The following CTNND2 variants were observed in gnomAD, a reference collection of about 807,000 sequenced individuals.
CTNND2 encodes catenin delta 2.
CTNND2 carries 22 observed loss-of-function variants against 144.4 expected under a neutral mutation model. The ratio of observed to expected loss-of-function variants is 0.15; its 90% CI spans 0.11 to 0.22. The LOEUF is 0.22. Among genes scored for constraint, CTNND2 ranks in the 10% least tolerant of loss-of-function variants. The probability of loss-of-function intolerance (pLI) is 1.00; values close to 1 mark genes in which losing one functional copy is unlikely to be tolerated. For missense variants in CTNND2, 1,353 were observed against 1,618.8 expected, an observed-to-expected ratio of 0.84 and a Z score of 2.82; for synonymous variants, 751 against 695.6, an observed-to-expected ratio of 1.08 and a Z score of -1.25.
intron 2 of CTNND2, among the ~76,000 whole-genome samples, chr5:11,610,761 T>A (rs116614203): frequency 0.011 from 1,746 of 152,322 alleles, 27 homozygotes; most frequent in African/African-American, 0.041. Flanking sequence ...AATGACATAT[T>A]AGAGGTTTGT....
intron 10 of CTNND2, among the ~76,000 whole-genome samples, chr5:11,231,508 ACTCT>A (rs1392244525): frequency 6.6e-6 from 1 of 152,002 alleles, no homozygotes; most frequent in Non-Finnish European, 1.5e-5. Context: ...AGCAAAGATG[ACTCT>A]TGCTATGCTT....
chr5:11,813,266 A>C (rs1792439979), intron 1 of CTNND2, among the ~76,000 whole-genome samples: 1 of 152,114 alleles, frequency 6.6e-6, no homozygotes, highest in South Asian at 2.1e-4. Flanking sequence ...GTGTAAGTAC[A>C]CTCCGCAATA....
At chr5:11,895,764 G>A (rs964228289) in intron 1 of CTNND2, among the ~76,000 whole-genome samples, 9 of 151,928 alleles carry the variant, frequency 5.9e-5, no homozygotes, top group African/African-American at 2.2e-4. Context: ...TTTAAAAAAG[G>A]AAAATAGATA....
At chr5:11,667,997 C>T (rs1192710527) in intron 2 of CTNND2, among the ~76,000 whole-genome samples, 1 of 152,210 alleles carries the variant, frequency 6.6e-6, no homozygotes, top group Non-Finnish European at 1.5e-5. Context: ...ACCCAGTTTT[C>T]CCAACACCAT....
At chr5:11,853,767 T>C (rs1247104505) in intron 1 of CTNND2, among the ~76,000 whole-genome samples, 1 of 152,242 alleles carries the variant, frequency 6.6e-6, no homozygotes, top group Non-Finnish European at 1.5e-5. Context: ...TCTCCCATTG[T>C]ACACCTAATC....
chr5:11,449,919 C>G (rs1382135561), intron 3 of CTNND2, among the ~76,000 whole-genome samples: 5 of 152,162 alleles, frequency 3.3e-5, no homozygotes, highest in Admixed American at 6.5e-5. Flanking sequence ...GATAAAATGT[C>G]AGTCCAAGGA....
intron 9 of CTNND2, among the ~76,000 whole-genome samples, chr5:11,242,286 T>C (rs930139913): frequency 1.3e-5 from 2 of 152,178 alleles, no homozygotes; most frequent in African/African-American, 4.8e-5. Context: ...GTGTGGTTTA[T>C]TTTCATCTTA....
intron 2 of CTNND2, among the ~76,000 whole-genome samples, chr5:11,702,914 G>T (rs140567931): frequency 6.6e-6 from 1 of 152,312 alleles, no homozygotes; most frequent in African/African-American, 2.4e-5. Context: ...TTGGAGGACA[G>T]GCTTAGTACC....
At chr5:11,707,355 C>T (rs1026900812) in intron 2 of CTNND2, among the ~76,000 whole-genome samples, 1 of 152,180 alleles carries the variant, frequency 6.6e-6, no homozygotes, top group African/African-American at 2.4e-5. Context: ...TGCACACAGA[C>T]CTAATGATTT....
At chr5:11,867,003 T>C (rs1442308586) in intron 1 of CTNND2, among the ~76,000 whole-genome samples, 43 of 152,244 alleles carry the variant, frequency 2.8e-4, no homozygotes, top group Admixed American at 2.8e-3. Context: ...TGTGGCATTA[T>C]ATCTTCTCTT....
At chr5:11,457,386 T>C (rs1284522555) in intron 3 of CTNND2, among the ~76,000 whole-genome samples, 1 of 152,178 alleles carries the variant, frequency 6.6e-6, no homozygotes, top group Admixed American at 6.5e-5. Flanking sequence ...ATCAGCAGCA[T>C]GATAGAGAAA....
intron 5 of CTNND2, among the ~76,000 whole-genome samples, chr5:11,407,345 G>C (rs1761178150): frequency 6.6e-6 from 1 of 152,166 alleles, no homozygotes; most frequent in Non-Finnish European, 1.5e-5. Flanking sequence ...CAAAAAAGAG[G>C]CAGGGTGGCA....
chr5:11,374,573 A>T (rs1581046396), intron 7 of CTNND2, among the ~76,000 whole-genome samples: 4 of 152,178 alleles, frequency 2.6e-5, no homozygotes, highest in Admixed American at 2.6e-4. Flanking sequence ...TTTAATGGGC[A>T]TATTCACACA....
rs552693930 is a variant in CTNND2 at position 11,763,096 on chromosome 5, TCCTC to T, written c.38-30828_38-30825del. Among the ~76,000 whole-genome samples, 1,092 of 152,230 alleles carry T rather than the reference TCCTC, an allele frequency of 7.2e-3. 5 individuals carry two copies. Among genetic ancestry groups the T allele is most frequent in the Non-Finnish European group, 0.013 (854 of 68,004 alleles). On this transcript the variant is annotated intron_variant, in intron 1 of 21. Coordinates refer to ENST00000304623, the MANE Select transcript of CTNND2 (RefSeq NM_001332.4). ...TGGTTGTTTAAAAATGTGTAGCACTTCCTCCTTCACTCTCTCTCTCCTGCTGGCC... is the reference window on the plus strand; with the variant it reads ...TGGTTGTTTAAAAATGTGTAGCACTTCTTCACTCTCTCTCTCCTGCTGGCC...
intron 1 of CTNND2, among the ~76,000 whole-genome samples, chr5:11,898,479 T>C (rs1737583285): frequency 6.6e-6 from 1 of 152,156 alleles, no homozygotes; most frequent in South Asian, 2.1e-4. Flanking sequence ...TCACATCTGT[T>C]AAACCAAAAA....
intron 3 of CTNND2, among the ~76,000 whole-genome samples, chr5:11,531,309 G>C (rs1439644947): frequency 6.6e-6 from 1 of 152,064 alleles, no homozygotes; most frequent in African/African-American, 2.4e-5. Context: ...AGGGAAACAC[G>C]GCCCCCCACA....
chr5:11,205,132 G>T (rs370236761), intron 10 of CTNND2, among the ~76,000 whole-genome samples: 46 of 152,202 alleles, frequency 3.0e-4, no homozygotes, highest in African/African-American at 1.0e-3. Flanking sequence ...CTGTGCCTGA[G>T]ACTCAAAGTA....
rs866235746 is a variant in CTNND2, at chr5:11,456,290, T to A, written c.288-44221A>T. Among the ~76,000 whole-genome samples the A allele has an allele frequency of 7.3e-5, 11 of 151,064 alleles. No individual in the cohort carries two copies. The Middle Eastern group carries it at 0.01, about 141-fold the overall frequency. On this transcript the variant is annotated intron_variant, in intron 3 of 21. Transcript: ENST00000304623. ...CAATGTTGGTTTTACCCACATATAA[T>A]TTTTTTTTCTTTTGCCTTTTTGATG...
chr5:11,251,386 C>G (rs1277880821), intron 9 of CTNND2, among the ~76,000 whole-genome samples: 1 of 152,212 alleles, frequency 6.6e-6, no homozygotes, highest in African/African-American at 2.4e-5. Context: ...TTCACATCCT[C>G]TCCTATGCTG....
Sources: gnomAD v4.1 joint callset for allele counts (sites outside exome capture counted in the v4.1 genomes callset) on GRCh38, gnomAD v4.1.1 for gene constraint, MANE v1.5 for transcripts, NCBI Gene and HGNC (gene_info 2026-07-23, HGNC 2026-07-21) for gene names.